Variants in PDE4D observed in about 807,000 individuals in gnomAD.
PDE4D encodes the protein 3',5'-cyclic-AMP phosphodiesterase 4D.
PDE4D carries 24 observed loss-of-function variants against 87.4 expected under a neutral mutation model. The ratio of observed to expected loss-of-function variants is 0.27; its 90% confidence interval spans 0.20 to 0.39. The LOEUF is 0.39. Ranked by LOEUF, PDE4D falls within the 10% of genes least tolerant of loss-of-function variation. PDE4D has a pLI of 1.00. For missense variants in PDE4D, 714 were observed against 1,041.0 expected (o/e 0.69, Z 4.32); for synonymous variants, 384 against 383.2 (o/e 1.00, Z -0.02).
intron 3 of PDE4D, among the ~76,000 whole-genome samples, chr5:59,975,940 T>C (rs1286734465): frequency 6.6e-6 from 1 of 152,212 alleles, no homozygotes; most frequent in African/African-American, 2.4e-5. Flanking sequence ...TCTCCATTTG[T>C]CTGCAGTCAT....
chr5:59,695,943 T>A (rs1751717700), intron 1 of PDE4D, among the ~76,000 whole-genome samples: 1 of 152,206 alleles, frequency 6.6e-6, no homozygotes, highest in Admixed American at 6.6e-5. Context: ...TCAACTCATA[T>A]TATCTGGCTC....
chr5:59,186,392 A>T (rs1431010040), intron 3 of PDE4D, among the ~76,000 whole-genome samples: 1 of 152,186 alleles, frequency 6.6e-6, no homozygotes, highest in African/African-American at 2.4e-5. Flanking sequence ...AATAGAAAGC[A>T]TTCAGCCAAT....
chr5:59,220,098 G>C (rs746242534), intron 1 of PDE4D, among the ~76,000 whole-genome samples: 2 of 152,142 alleles, frequency 1.3e-5, no homozygotes, highest in African/African-American at 4.8e-5. Context: ...GCAGAAGCTT[G>C]TTATAAAGAC....
chr5:60,263,709 A>G (rs929467941), intron 1 of PDE4D, among the ~76,000 whole-genome samples: 15 of 152,198 alleles, frequency 9.9e-5, no homozygotes, highest in African/African-American at 3.4e-4. Flanking sequence ...TCACCCTTAT[A>G]GAGGCATACC....
intron 5 of PDE4D, among the ~76,000 whole-genome samples, chr5:59,103,212 T>C (rs902579384): frequency 6.6e-6 from 1 of 152,132 alleles, no homozygotes. Flanking sequence ...TCTGAGAAAA[T>C]CAATTCTGAA....
In PDE4D at chr5:59,062,703, GT is replaced by G. The variant is rs34248179; in HGVS notation, c.809-23733del. ...TGTTTACAATGAGTGAATGCATGTG[GT>G]TTTTTTTTTTTTTTTGCACTACCCA... On this transcript the variant is annotated intron_variant, in intron 5 of 14. Transcript: ENST00000340635. Among the ~76,000 whole-genome samples, 455 of 137,648 alleles carry G rather than the reference GT, an allele frequency of 3.3e-3. 2 individuals are homozygous for G. Among genetic ancestry groups the G allele is most frequent in the African/African-American group, 9.8e-3 (366 of 37,360 alleles). 90.3% of individuals were successfully genotyped at this position (137,648 alleles called of 152,430 possible).
At chr5:60,005,678 C>A (rs111312787) in intron 2 of PDE4D, among the ~76,000 whole-genome samples, 3 of 151,800 alleles carry the variant, frequency 2.0e-5, no homozygotes, top group Non-Finnish European at 4.4e-5. Context: ...ATATGCTTAT[C>A]CTCTCAAAAT....
intron 5 of PDE4D, among the ~76,000 whole-genome samples, chr5:59,045,136 A>G (rs1012892852): frequency 6.6e-6 from 1 of 152,250 alleles, no homozygotes; most frequent in Non-Finnish European, 1.5e-5. Flanking sequence ...AAAGAGGACT[A>G]TTTAAATCAG....
At chr5:59,750,417 C>T (rs922033593) in intron 1 of PDE4D, among the ~76,000 whole-genome samples, 5 of 152,146 alleles carry the variant, frequency 3.3e-5, no homozygotes, top group Admixed American at 2.6e-4. Context: ...AACTTCCCCC[C>T]TCCCTCAAAT....
chr5:59,469,738 T>G (rs1802154813), intron 1 of PDE4D, among the ~76,000 whole-genome samples: 1 of 152,088 alleles, frequency 6.6e-6, no homozygotes, highest in African/African-American at 2.4e-5. Flanking sequence ...CCCAAAAGAA[T>G]ATGGGACTTT....
At chr5:59,868,947 T>C (rs143710932) in intron 1 of PDE4D, among the ~76,000 whole-genome samples, 158 of 152,318 alleles carry the variant, frequency 1.0e-3, no homozygotes, top group Middle Eastern at 3.4e-3. Flanking sequence ...AAATGCAGCA[T>C]CTAAGAAAGC....
At chr5:59,408,522 G>A (rs1792097364) in intron 1 of PDE4D, among the ~76,000 whole-genome samples, 1 of 152,150 alleles carries the variant, frequency 6.6e-6, no homozygotes, top group African/African-American at 2.4e-5. Flanking sequence ...TCCCCCCTGG[G>A]GCATTGCCTA....
At chr5:59,597,345 G>A (rs924817427) in intron 1 of PDE4D, among the ~76,000 whole-genome samples, 4 of 152,140 alleles carry the variant, frequency 2.6e-5, no homozygotes, top group Admixed American at 6.6e-5. Flanking sequence ...ACAGAGTGGC[G>A]TTAACAATGT....
intron 1 of PDE4D, among the ~76,000 whole-genome samples, chr5:59,635,414 A>G (rs531222448): frequency 6.6e-6 from 1 of 152,328 alleles, no homozygotes; most frequent in Non-Finnish European, 1.5e-5. Flanking sequence ...CTGATACCAA[A>G]AGCTGGCAGA....
intron 2 of PDE4D, among the ~76,000 whole-genome samples, chr5:60,144,434 A>G (rs1283420037): frequency 6.6e-6 from 1 of 152,248 alleles, no homozygotes; most frequent in Non-Finnish European, 1.5e-5. Flanking sequence ...TTTCTGTAGC[A>G]GGCAGGACTG....
intron 1 of PDE4D, among the ~76,000 whole-genome samples, chr5:59,506,786 A>G (rs907050639): frequency 6.6e-6 from 1 of 152,192 alleles, no homozygotes; most frequent in Non-Finnish European, 1.5e-5. Context: ...TGAAAAAGAT[A>G]ATACGAAGTG....
chr5:60,095,380 T>C (rs11740579), intron 2 of PDE4D, among the ~76,000 whole-genome samples: 8 of 152,212 alleles, frequency 5.3e-5, no homozygotes, highest in Non-Finnish European at 1.2e-4. Flanking sequence ...GGACAAGAGC[T>C]CATCCTTTTT....
intron 1 of PDE4D, chr5:59,560,772 T>A (rs1819843643): frequency 6.6e-6 from 1 of 152,122 alleles, no homozygotes. Flanking sequence ...CAGGCAACAA[T>A]AAATTCATTG....
At chr5:60,197,007 A>G (rs917462147) in intron 1 of PDE4D, among the ~76,000 whole-genome samples, 1 of 150,852 alleles carries the variant, frequency 6.6e-6, no homozygotes, top group Non-Finnish European at 1.5e-5. Flanking sequence ...CTCTGGCAAA[A>G]ACAAGATAGG....
Sources: gnomAD v4.1 joint callset for allele counts (sites outside exome capture counted in the v4.1 genomes callset) on GRCh38, gnomAD v4.1.1 for gene constraint, MANE v1.5 for transcripts, NCBI Gene and HGNC (gene_info 2026-07-23, HGNC 2026-07-21) for gene names.